Variants in PCDHA7 observed in about 807,000 individuals in gnomAD.
The protein encoded by PCDHA7 is protocadherin alpha 7.
Under a neutral mutation model 57.2 loss-of-function variants are expected in PCDHA7, and 37 were observed. The observed-to-expected ratio is 0.65, with a 90% CI of 0.50 to 0.85. The LOEUF (loss-of-function observed/expected upper bound fraction) is 0.85. PCDHA7 is among the 40% of genes least tolerant of loss of function. PCDHA7 has a pLI of 0.00. For missense variants in PCDHA7, 1,188 were observed against 1,241.8 expected, an observed-to-expected ratio of 0.96 and a Z score of 0.65; for synonymous variants, 553 against 558.8, an observed-to-expected ratio of 0.99 and a Z score of 0.15.
intron 1 of PCDHA7, chr5:140,884,831 ATCCT>A: frequency 1.1e-6 from 1 of 939,722 alleles, no homozygotes; most frequent in Non-Finnish European, 1.5e-6. Flanking sequence ...GTGTTGGATT[ATCCT>A]TCAGAGTGAA....
rs2150229925 is a variant in PCDHA7 at position 140,835,028 on chromosome 5, C to A, written c.645C>A (p.Thr215=). Residue 215 remains threonine, a synonymous_variant, in exon 1 of 4, where the codon ACC becomes ACA. Coordinates refer to ENST00000525929, the MANE Select transcript of PCDHA7 (RefSeq NM_018910.3). Reference sequence around the variant, plus strand: ...AGCTTCATTTATTGCTCACGGCCACCGATGGAGGCAAACCCGAGCTGACTG... The same window carrying A: ...AGCTTCATTTATTGCTCACGGCCACAGATGGAGGCAAACCCGAGCTGACTG... ...TPELHLLLTA[T]DGGKPELTGT... is the part of the protein sequence containing the mutation. 1 of 1,326,582 alleles carries A rather than the reference C, an allele frequency of 7.5e-7. No homozygotes were observed. The highest frequency in any genetic ancestry group is 1.0e-6 in the Non-Finnish European group (1 of 980,942). 82.2% of individuals were successfully genotyped at this position (1,326,582 alleles called of 1,614,324 possible).
At chr5:140,850,708 C>T (rs1554144815) in intron 1 of PCDHA7, 8 of 1,597,900 alleles carry the variant, frequency 5.0e-6, no homozygotes, top group Admixed American at 3.4e-5. Flanking sequence ...GGCAAGCCGA[C>T]GCTGGTGTGT....
At chr5:140,854,159 C>CAAAAAA (rs59855104) in intron 1 of PCDHA7, 412 of 341,018 alleles carry the variant, frequency 1.2e-3, no homozygotes, top group Non-Finnish European at 1.4e-3. Flanking sequence ...GATTCTGTCT[C>CAAAAAA]AAAAAAAAAA....
At chr5:140,876,274 G>C (rs1554168448) in intron 1 of PCDHA7, 8 of 1,613,990 alleles carry the variant, frequency 5.0e-6, no homozygotes, top group Non-Finnish European at 6.8e-6. Context: ...AAATGCTTCC[G>C]ATCCAGACGA....
intron 1 of PCDHA7, among the ~76,000 whole-genome samples, chr5:140,937,818 A>T (rs190175998): frequency 0.029 from 4,407 of 151,960 alleles, 79 homozygotes; most frequent in Admixed American, 0.046. Context: ...AAGCTGAGGC[A>T]GGAGAATGGC....
chr5:140,849,097 A>G, intron 1 of PCDHA7: 2 of 1,481,690 alleles, frequency 1.3e-6, no homozygotes, highest in Non-Finnish European at 9.2e-7. Context: ...AAACTTTTAG[A>G]CAGAGAAGAA....
At chr5:140,968,716 T>C (rs1554230993) in intron 1 of PCDHA7, 2 of 1,614,058 alleles carry the variant, frequency 1.2e-6, no homozygotes, top group Admixed American at 1.7e-5. Flanking sequence ...AGATGGGAGA[T>C]GAGAGTGGTA....
In PCDHA7 at chr5:140,849,670, A is replaced by G. The variant is rs2150444272; in HGVS notation, c.2355+12932A>G. On this transcript the variant is annotated intron_variant, in intron 1 of 3. Coordinates refer to ENST00000525929, the MANE Select transcript of PCDHA7 (RefSeq NM_018910.3). The stretch of plus-strand genomic sequence containing the variant: ...CAGGTTACCTGCTCCCTGACGCCCC[A>G]CGTCCCCTTCAAGCTGGTGTCCACC... The G allele has an allele frequency of 1.7e-5, 27 of 1,598,602 alleles. 2 individuals carry two copies. The highest frequency in any genetic ancestry group is 9.9e-5 in the South Asian group (9 of 90,546).
rs80062832 is a variant in PCDHA7 at position 140,889,250 on chromosome 5, C to T, written c.2355+52512C>T. ...AAAACTTCCAGAAAATTTTCTGTTT[C>T]CTGTAAAAGTTTGTATAATCTTTGA... On this transcript the variant is annotated intron_variant, in intron 1 of 3. Transcript: ENST00000525929. Among the ~76,000 whole-genome samples, 79 of 151,798 alleles carry T rather than the reference C, an allele frequency of 5.2e-4. No homozygotes were observed. In the East Asian group the frequency reaches 0.014, roughly 27 times the overall value.
At chr5:140,839,084 T>G (rs2150294627) in intron 1 of PCDHA7, among the ~76,000 whole-genome samples, 9 of 152,164 alleles carry the variant, frequency 5.9e-5, no homozygotes, top group South Asian at 2.1e-4. Context: ...AAAACCTGTC[T>G]GATAATCAAT....
At chr5:140,837,121 A>G (rs2150273262) in intron 1 of PCDHA7, 1 of 156,722 alleles carries the variant, frequency 6.4e-6, no homozygotes, top group East Asian at 1.9e-4. Context: ...GTTACCTAAT[A>G]TTTTATTCTA....
intron 1 of PCDHA7, among the ~76,000 whole-genome samples, chr5:140,953,811 A>T (rs782282216): frequency 3.3e-5 from 5 of 152,074 alleles, no homozygotes; most frequent in Non-Finnish European, 5.9e-5. Context: ...TCTGAGGTGC[A>T]TGTGCTAGTT....
rs139331486 is a variant in PCDHA7, at chr5:140,836,143, C to A, written c.1760C>A (p.Ala587Glu). 1,039 of 1,613,760 alleles carry A rather than the reference C, an allele frequency of 6.4e-4. 8 individuals carry two copies. The highest frequency in any genetic ancestry group is 1.2e-3 in the South Asian group (112 of 91,068). ...VRELVPRSVGAGHVVAKVRAV... is the reference protein window; with the variant it reads ...VRELVPRSVGEGHVVAKVRAV... ...GAGCTTGTGCCGCGGTCTGTGGGCG[C>A]GGGCCATGTGGTGGCGAAGGTACGT... The change falls in exon 1 of 4, where the codon GCG (alanine) becomes GAG (glutamate). Residue 587 changes from alanine (A) to glutamate (E), a missense_variant. Physicochemically the swap from Ala to Glu is moderately radical, Grantham distance 107. This residue lies in a region of PCDHA7 where 892 missense variants were observed against 788.5 expected (regional missense o/e 1.13). Coordinates refer to ENST00000525929, the MANE Select transcript of PCDHA7 (RefSeq NM_018910.3).
At position 140,924,716 on chromosome 5, in the gene PCDHA7, G is replaced by A. The variant is rs534222527; in HGVS notation, c.2356-54233G>A. On this transcript the variant is annotated intron_variant, in intron 1 of 3. Coordinates refer to ENST00000525929, the MANE Select transcript of PCDHA7 (RefSeq NM_018910.3). The stretch of plus-strand genomic sequence containing the variant: ...TCGAGACCAGCTTGTGCAACATGGC[G>A]AAACCTCACCTCTAATAAAAATACA... Among the ~76,000 whole-genome samples, 5 of 151,980 alleles carry A rather than the reference G, an allele frequency of 3.3e-5. No homozygotes were observed. The South Asian group carries it at 1.0e-3, about 32-fold the overall frequency.
Position 140,856,935 on chromosome 5 carries a change from A to G in PCDHA7, c.2355+20197A>G, listed in dbSNP as rs1554149306. 4 of 1,594,120 alleles carry G rather than the reference A, an allele frequency of 2.5e-6. 1 individual carries two copies. The African/African-American group carries it at 5.4e-5, about 21-fold the overall frequency. ...ATAAGAAGGAAATTTTGGATAAACGAAAGGACGGGAGAAATAAAAGTAAAT... is the reference window on the plus strand; with the variant it reads ...ATAAGAAGGAAATTTTGGATAAACGGAAGGACGGGAGAAATAAAAGTAAAT... On this transcript the variant is annotated intron_variant, in intron 1 of 3. Transcript: ENST00000525929.
chr5:140,977,359 A>G (rs1335405602), intron 1 of PCDHA7, among the ~76,000 whole-genome samples: 6 of 152,212 alleles, frequency 3.9e-5, no homozygotes, highest in Non-Finnish European at 8.8e-5. Context: ...TGATTGATAA[A>G]AAGTATTTTA....
chr5:140,913,518 A>G (rs1375122197), intron 1 of PCDHA7, among the ~76,000 whole-genome samples: 2 of 151,902 alleles, frequency 1.3e-5, no homozygotes, highest in Non-Finnish European at 2.9e-5. Context: ...AATTTTATTT[A>G]TCTTTTCAAA....
chr5:140,927,917 TC>T (rs1554205257), intron 1 of PCDHA7: 2 of 1,614,182 alleles, frequency 1.2e-6, no homozygotes, highest in Non-Finnish European at 8.5e-7. Flanking sequence ...GAACTGGACT[TC>T]CTGACTCTTT....
intron 1 of PCDHA7, among the ~76,000 whole-genome samples, chr5:140,936,745 T>C (rs2091123001): frequency 6.6e-6 from 1 of 152,234 alleles, no homozygotes; most frequent in Non-Finnish European, 1.5e-5. Context: ...ACTTTTCATT[T>C]GTATTGATAT....
Sources: allele counts gnomAD v4.1 joint callset (sites outside exome capture counted in the v4.1 genomes callset), GRCh38; gene constraint gnomAD v4.1.1; regional missense constraint gnomAD v4.1.1; transcripts MANE v1.5; gene names NCBI Gene and HGNC (gene_info 2026-07-23, HGNC 2026-07-21).